CYP46A1: variants seen among roughly 807,000 people sequenced by gnomAD.
CYP46A1 encodes the protein cytochrome P450 family 46 subfamily A member 1.
In CYP46A1, 20 loss-of-function variants were observed where a neutral mutation model predicts 63.3. That is an observed-to-expected ratio of 0.32 (90% CI 0.22 to 0.46). The LOEUF (loss-of-function observed/expected upper bound fraction) is 0.46, where lower values mean the gene tolerates loss of function less well. Among genes scored for constraint, CYP46A1 ranks in the 20% least tolerant of loss-of-function variants. The pLI is 1.00. For missense variants in CYP46A1, 445 were observed against 670.8 expected, an observed-to-expected ratio of 0.66 and a Z score of 3.72; for synonymous variants, 268 against 273.6, an observed-to-expected ratio of 0.98 and a Z score of 0.20.
Position 99,684,388 on chromosome 14 carries a change from C to CCGTGG in CYP46A1, c.-29_-28insGTGGC. ...CCGGCCCCCTCGGCGCCCGGCCCGA[C>CCGTGG]CCTGGCCTGGCCTGCCCTGCCCCGG... On this transcript the variant is annotated 5_prime_UTR_variant, in exon 1 of 15. Coordinates refer to ENST00000261835, the MANE Select transcript of CYP46A1 (RefSeq NM_006668.2). 7.3e-7 allele frequency: 1 copy of CCGTGG among 1,368,114 alleles called. No homozygotes were observed. The highest frequency in any genetic ancestry group is 3.3e-5 in the East Asian group (1 of 30,378). 84.7% of individuals were successfully genotyped at this position (1,368,114 alleles called of 1,614,324 possible).
chr14:99,722,015 A>T lies in CYP46A1; in HGVS notation c.1125A>T (p.Glu375Asp). The T allele has an allele frequency of 6.2e-7, 1 of 1,613,588 alleles. No individual in the cohort carries two copies. Among genetic ancestry groups the T allele is most frequent in the South Asian group, 1.1e-5 (1 of 91,056 alleles). ...CATGGGGCACCTTTCGCCTGCTGGA[A>T]GAGGAGACCTTGATTGATGGGGTCA... ...PPAWGTFRLL[E>D]EETLIDGVRV... Residue 375 changes from glutamate (E) to aspartate (D), a missense_variant, in exon 12 of 15, where the codon GAA (glutamate) becomes GAT (aspartate). Glu to Asp is a conservative substitution (Grantham distance 45). Coordinates refer to ENST00000261835, the MANE Select transcript of CYP46A1 (RefSeq NM_006668.2). The surrounding 1 kb of genome is among the most constrained non-coding windows in gnomAD (Gnocchi z 4.6).
intron 3 of CYP46A1, among the ~76,000 whole-genome samples, chr14:99,694,754 G>A (rs2056573309): frequency 6.6e-6 from 1 of 152,144 alleles, no homozygotes; most frequent in African/African-American, 2.4e-5. Context: ...GCCTGCCTCA[G>A]CCTCCCAAAA....
chr14:99,688,353 G>A (rs926428702), intron 1 of CYP46A1, among the ~76,000 whole-genome samples: 6 of 152,002 alleles, frequency 3.9e-5, no homozygotes, highest in Non-Finnish European at 8.8e-5. Context: ...CTCCCTTCCT[G>A]CTTCAGTCCC....
rs2056617357 is a variant in CYP46A1, at chr14:99,700,022, G to A, written c.364G>A (p.Gly122Ser). 1 of 1,586,232 alleles carries A rather than the reference G, an allele frequency of 6.3e-7. No homozygotes were observed. The stretch of plus-strand genomic sequence containing the variant: ...CGTGTGTGTCTCCTACAGACTCTTC[G>A]GCCAAGGCTTGGTGTCCGAATGCAA... Reference protein sequence around the residue: ...LQTVFGERLFGQGLVSECNYE... With the variant: ...LQTVFGERLFSQGLVSECNYE... The change falls in exon 5 of 15, where the codon GGC (glycine) becomes AGC (serine). Residue 122 changes from glycine (G) to serine (S), a missense_variant. Around this residue, in one of 4 missense-constraint regions of CYP46A1, gnomAD observed 252 missense variants for 383.3 expected, o/e 0.66. Transcript: ENST00000261835.
At position 99,722,741 on chromosome 14, in the gene CYP46A1, G is replaced by T; in HGVS notation, c.1176+675G>T. On this transcript the variant is annotated intron_variant, in intron 12 of 14. Coordinates refer to ENST00000261835, the MANE Select transcript of CYP46A1 (RefSeq NM_006668.2). The surrounding 1 kb of genome is among the most constrained non-coding windows in gnomAD (Gnocchi z 4.6). ...TGTTTTTTGACTCAGTATAAAGTTG[G>T]TAAGATTTGTGTAGGTTTCTCCACA... is the stretch of plus-strand genomic sequence containing the variant. 3.4e-6 allele frequency: 1 copy of T among 290,596 alleles called. No homozygotes were observed. 18.0% of individuals were successfully genotyped at this position (290,596 alleles called of 1,614,324 possible). A position where few individuals can be genotyped will look rare whatever the true frequency, so the allele number is the denominator to read the frequency against.
Position 99,705,706 on chromosome 14 carries a change from C to T in CYP46A1, c.444-941C>T, listed in dbSNP as rs556442668. Among the ~76,000 whole-genome samples, 6 of 152,308 alleles carry T rather than the reference C, an allele frequency of 3.9e-5. No homozygotes were observed. The South Asian group carries it at 1.2e-3, about 32-fold the overall frequency. On this transcript the variant is annotated intron_variant, in intron 5 of 14. Coordinates refer to ENST00000261835, the MANE Select transcript of CYP46A1 (RefSeq NM_006668.2). ...CTTTGGGAGGCCAAGGTGGGTGGAT[C>T]ATGAGGTCAGGAGTTTGAGACCAGC...
chr14:99,712,547 T>TTCTATATTA (rs57484424), intron 7 of CYP46A1: 1 of 151,680 alleles, frequency 6.6e-6, no homozygotes, highest in Non-Finnish European at 1.5e-5. Flanking sequence ...CCATTTACAA[T>TTCTATATTA]TGTTATGTAG....
chr14:99,724,422 G>A (rs181239628), intron 12 of CYP46A1, among the ~76,000 whole-genome samples: 59 of 152,192 alleles, frequency 3.9e-4, no homozygotes, highest in Middle Eastern at 6.8e-3. Flanking sequence ...CTTTTTTAAT[G>A]CTCCTGTACC....
chr14:99,697,345 C>T (rs1183508508), intron 3 of CYP46A1, among the ~76,000 whole-genome samples: 1 of 152,198 alleles, frequency 6.6e-6, no homozygotes, highest in African/African-American at 2.4e-5. Context: ...CTTTGTTCTG[C>T]TCTTTCTATG....
chr14:99,725,678 G>T lies in CYP46A1; in HGVS notation c.1265+199G>T, dbSNP rs1396577556. Among the ~76,000 whole-genome samples, 2 of 152,220 alleles carry T rather than the reference G, an allele frequency of 1.3e-5. No individual in the cohort carries two copies. Among genetic ancestry groups the T allele is most frequent in the African/African-American group, 4.8e-5 (2 of 41,456 alleles). ...AGAGCAGGGGTCTGGCCCCAGCTCAGTCTGGTTCTAAAGCTCATGCTCATA... is the reference window on the plus strand; with the variant it reads ...AGAGCAGGGGTCTGGCCCCAGCTCATTCTGGTTCTAAAGCTCATGCTCATA... On this transcript the variant is annotated intron_variant, in intron 13 of 14. Transcript: ENST00000261835. The surrounding 1 kb of genome is among the most constrained non-coding windows in gnomAD (Gnocchi z 4.2).
intron 10 of CYP46A1, among the ~76,000 whole-genome samples, chr14:99,720,246 T>C (rs1367296159): frequency 6.6e-6 from 1 of 152,210 alleles, no homozygotes; most frequent in Non-Finnish European, 1.5e-5. Flanking sequence ...GTTTTGGGTT[T>C]ATACTCAGAA....
At chr14:99,689,952 C>CTCTA (rs1392595817) in intron 1 of CYP46A1, among the ~76,000 whole-genome samples, 1 of 152,244 alleles carries the variant, frequency 6.6e-6, no homozygotes, top group East Asian at 1.9e-4. Context: ...GCCCACAAGG[C>CTCTA]TCTACATGAC....
At chr14:99,699,965 G>GGGGGGGGGGGGGGGC in intron 4 of CYP46A1, 50 bp from the exon 5 acceptor site, 1 of 813,574 alleles carries the variant, frequency 1.2e-6, no homozygotes, top group Non-Finnish European at 1.9e-6. Context: ...TCAAGCAGTC[G>GGGGGGGGGGGGGGGC]CTCCCCACCC....
Position 99,722,933 on chromosome 14 carries a change from G to A in CYP46A1, c.1176+867G>A, listed in dbSNP as rs539848483. 2 of 454,012 alleles carry A rather than the reference G, an allele frequency of 4.4e-6. No individual in the cohort carries two copies. Among genetic ancestry groups the A allele is most frequent in the African/African-American group, 2.0e-5 (1 of 50,128 alleles). The allele number at this position is 454,012 out of a possible 1,614,324, so 28.1% of individuals were successfully genotyped here. On this transcript the variant is annotated intron_variant, in intron 12 of 14. Coordinates refer to ENST00000261835, the MANE Select transcript of CYP46A1 (RefSeq NM_006668.2). The surrounding 1 kb of genome is among the most constrained non-coding windows in gnomAD (Gnocchi z 4.6). ...TCGGACATTTACCCAGAAGTGAGAG[G>A]GCTGGGTTGTAGGACCCCTGACTGT... is the stretch of plus-strand genomic sequence containing the variant.
At chr14:99,690,048 C>T (rs1344087949) in intron 1 of CYP46A1, among the ~76,000 whole-genome samples, 1 of 152,234 alleles carries the variant, frequency 6.6e-6, no homozygotes, top group African/African-American at 2.4e-5. Flanking sequence ...ACTGTCCAAG[C>T]ACACTCTGAC....
Position 99,716,203 on chromosome 14 carries a change from TGTAGCTTTGGCG to T in CYP46A1, c.907+7_907+18del. ...TTCGTCACCTTCTTCATTGCTGGTT[TGTAGCTTTGGCG>T]GTGGCCAAGGGCCCGGAGCTCTGCA... On this transcript the variant is annotated splice_donor_5th_base_variant and intron_variant, in intron 9 of 14. Coordinates refer to ENST00000261835, the MANE Select transcript of CYP46A1 (RefSeq NM_006668.2). 1 of 1,614,220 alleles carries T rather than the reference TGTAGCTTTGGCG, an allele frequency of 6.2e-7. No homozygotes were observed. The highest frequency in any genetic ancestry group is 8.5e-7 in the Non-Finnish European group (1 of 1,180,014).
At chr14:99,724,108 A>G (rs2056873292) in intron 12 of CYP46A1, among the ~76,000 whole-genome samples, 1 of 152,122 alleles carries the variant, frequency 6.6e-6, no homozygotes, top group Admixed American at 6.5e-5. Context: ...TCTTATAAGG[A>G]CACCAATCAG....
At chr14:99,721,893 C>T (rs747963817) in intron 11 of CYP46A1, 63 bp from the exon 12 acceptor site, 657 of 1,403,594 alleles carry the variant, frequency 4.7e-4, no homozygotes, top group Non-Finnish European at 6.1e-4. Context: ...GGCATGCCGC[C>T]GGCCGGCATG....
chr14:99,707,480 GGT>G (rs1248110658), intron 6 of CYP46A1, 86 bp from the exon 7 acceptor site: 1 of 1,002,526 alleles, frequency 1.0e-6, no homozygotes, highest in Non-Finnish European at 1.6e-6. Flanking sequence ...CCAGAGTCCA[GGT>G]GTCTAGCAGA....
Sources: gnomAD v4.1 joint callset for allele counts (sites outside exome capture counted in the v4.1 genomes callset) on GRCh38, gnomAD v4.1.1 for gene constraint, gnomAD v4.1.1 regional missense constraint, Gnocchi (gnomAD v3.1) non-coding constraint, MANE v1.5 for transcripts, NCBI Gene and HGNC (gene_info 2026-07-23, HGNC 2026-07-21) for gene names.